RAPGEF1: variants seen among roughly 807,000 people sequenced by gnomAD.
RAPGEF1 encodes the protein CRK SH3-binding GNRP.
RAPGEF1 carries 33 observed loss-of-function variants against 143.3 expected under a neutral mutation model. The ratio of observed to expected loss-of-function variants is 0.23; its 90% CI spans 0.17 to 0.31. The LOEUF (loss-of-function observed/expected upper bound fraction) is 0.31, where lower values mean the gene tolerates loss of function less well. Among genes scored for constraint, RAPGEF1 ranks in the 10% least tolerant of loss-of-function variants. RAPGEF1 has a pLI of 1.00. For synonymous variants in RAPGEF1, 629 were observed against 676.5 expected, an observed-to-expected ratio of 0.93 and a Z score of 1.09; for missense variants, 1,199 against 1,645.4, an observed-to-expected ratio of 0.73 and a Z score of 4.69.
At chr9:131,698,503 C>A (rs538479044) in intron 1 of RAPGEF1, among the ~76,000 whole-genome samples, 1 of 152,346 alleles carries the variant, frequency 6.6e-6, no homozygotes, top group African/African-American at 2.4e-5. Flanking sequence ...ACAGCTGTGA[C>A]AAATTGTTTG....
At chr9:131,632,906 T>G (rs6597514) in intron 5 of RAPGEF1, among the ~76,000 whole-genome samples, 1 of 152,130 alleles carries the variant, frequency 6.6e-6, no homozygotes, top group Non-Finnish European at 1.5e-5. Context: ...AACCCCGCCC[T>G]CCAAAATTAA....
chr9:131,672,569 G>A (rs1831580991), intron 1 of RAPGEF1, among the ~76,000 whole-genome samples: 1 of 152,184 alleles, frequency 6.6e-6, no homozygotes, highest in Non-Finnish European at 1.5e-5. Context: ...GAAGACAAAG[G>A]TCTGAGGGAA....
chr9:131,697,905 CAGAA>C (rs1281284881), intron 1 of RAPGEF1, among the ~76,000 whole-genome samples: 1 of 152,056 alleles, frequency 6.6e-6, no homozygotes, highest in Non-Finnish European at 1.5e-5. Flanking sequence ...GTGTCAGGGC[CAGAA>C]AGAGAGGGGC....
At chr9:131,620,021 G>C (rs1960329376) in intron 11 of RAPGEF1, among the ~76,000 whole-genome samples, 1 of 152,164 alleles carries the variant, frequency 6.6e-6, no homozygotes, top group African/African-American at 2.4e-5. Flanking sequence ...AGCTGTGGCA[G>C]GGACCATGTA....
chr9:131,578,841 G>C lies in RAPGEF1; in HGVS notation c.*656C>G, dbSNP rs1195881928. On this transcript the variant is annotated 3_prime_UTR_variant, in exon 27 of 27. Transcript: ENST00000683357. The stretch of plus-strand genomic sequence containing the variant: ...TGCTGCTCTCAGGCGGGCAAGGGAG[G>C]CCCTGATGGCGCCAGTACCGCGGGG... 1 of 152,616 alleles carries C rather than the reference G, an allele frequency of 6.6e-6. No individual in the cohort carries two copies. Among genetic ancestry groups the C allele is most frequent in the Admixed American group, 6.5e-5 (1 of 15,294 alleles). The allele number at this position is 152,616 out of a possible 1,614,324, so 9.5% of individuals were successfully genotyped here. A position where few individuals can be genotyped will look rare whatever the true frequency, so the allele number is the denominator to read the frequency against.
At chr9:131,674,751 C>A (rs959650788) in intron 1 of RAPGEF1, among the ~76,000 whole-genome samples, 1 of 152,186 alleles carries the variant, frequency 6.6e-6, no homozygotes, top group Non-Finnish European at 1.5e-5. Flanking sequence ...GAAGGAAAGT[C>A]CAATCTGAGC....
At chr9:131,604,688 G>T (rs1455882295) in intron 13 of RAPGEF1, among the ~76,000 whole-genome samples, 1 of 152,168 alleles carries the variant, frequency 6.6e-6, no homozygotes, top group Non-Finnish European at 1.5e-5. Flanking sequence ...TAGTTTGATA[G>T]AACTTTGTAT....
chr9:131,626,967 G>A (rs2043438371), intron 9 of RAPGEF1, among the ~76,000 whole-genome samples: 1 of 138,786 alleles, frequency 7.2e-6, no homozygotes. Flanking sequence ...TGGGCACGCT[G>A]GCCCACTTTG....
intron 1 of RAPGEF1, among the ~76,000 whole-genome samples, chr9:131,658,817 C>T (rs895881977): frequency 1.3e-5 from 2 of 152,360 alleles, no homozygotes; most frequent in East Asian, 1.9e-4. Context: ...ACTTGCCCCT[C>T]GGCCAGGCTT....
intron 1 of RAPGEF1, among the ~76,000 whole-genome samples, chr9:131,698,260 G>A (rs903362942): frequency 9.2e-5 from 14 of 152,188 alleles, no homozygotes; most frequent in African/African-American, 2.9e-4. Context: ...GGGAGGAGGG[G>A]CCCTCTAGTC....
In RAPGEF1 at chr9:131,628,724, T is replaced by C. The variant is rs568809908; in HGVS notation, c.894-52A>G. 16 of 1,536,086 alleles carry C rather than the reference T, an allele frequency of 1.0e-5. No homozygotes were observed. In the East Asian group the frequency reaches 3.6e-4, roughly 35 times the overall value. On this transcript the variant is annotated intron_variant, in intron 7 of 26. Coordinates refer to ENST00000683357, the MANE Select transcript of RAPGEF1 (RefSeq NM_001377935.1). The surrounding 1 kb of genome is among the most constrained non-coding windows in gnomAD (Gnocchi z 5.7). ...GACCAAACCACACTCACCAAAGCTC[T>C]TCAGCGTGATATTGGGGTACAGGAT...
chr9:131,706,168 G>C (rs753595024), intron 1 of RAPGEF1, among the ~76,000 whole-genome samples: 9 of 151,938 alleles, frequency 5.9e-5, no homozygotes, highest in Non-Finnish European at 1.0e-4. Flanking sequence ...ATGCTACTTT[G>C]CCCTGGAACC....
intron 1 of RAPGEF1, among the ~76,000 whole-genome samples, chr9:131,687,119 C>A (rs1833412061): frequency 6.6e-6 from 1 of 152,176 alleles, no homozygotes; most frequent in Non-Finnish European, 1.5e-5. Flanking sequence ...GCCTGGACAA[C>A]AGATTCAATT....
rs1467996428 is a variant in RAPGEF1 at position 131,578,109 on chromosome 9, A to G, written c.*1388T>C. On this transcript the variant is annotated 3_prime_UTR_variant, in exon 27 of 27. Transcript: ENST00000683357. ...GACAAGTGAGCACTCATTCATGCAC[A>G]GCAGACCCGGAGGCATGGGCTGGGG... is the stretch of plus-strand genomic sequence containing the variant. 1 of 152,304 alleles carries G rather than the reference A, an allele frequency of 6.6e-6. No individual in the cohort carries two copies. Among genetic ancestry groups the G allele is most frequent in the Non-Finnish European group, 1.5e-5 (1 of 68,080 alleles). 9.4% of individuals were successfully genotyped at this position (152,304 alleles called of 1,614,324 possible).
At chr9:131,588,455 C>T (rs1210697202) in intron 20 of RAPGEF1, among the ~76,000 whole-genome samples, 3 of 152,298 alleles carry the variant, frequency 2.0e-5, no homozygotes, top group East Asian at 1.9e-4. Context: ...TGACACTCAC[C>T]GTCGGTGTCG....
At chr9:131,593,732 C>T (rs1954762884) in intron 17 of RAPGEF1, among the ~76,000 whole-genome samples, 1 of 152,210 alleles carries the variant, frequency 6.6e-6, no homozygotes, top group African/African-American at 2.4e-5. Flanking sequence ...GGCTGGGAAT[C>T]ACAGCAGGGC....
In RAPGEF1 at chr9:131,582,607, G is replaced by A; in HGVS notation, c.3510C>T (p.Tyr1170=). The A allele has an allele frequency of 1.3e-6, 2 of 1,524,812 alleles. No homozygotes were observed. Among genetic ancestry groups the A allele is most frequent in the Non-Finnish European group, 1.7e-6 (2 of 1,146,398 alleles). The allele number at this position is 1,524,812 out of a possible 1,614,324, so 94.5% of individuals were successfully genotyped here. A position where few individuals can be genotyped will look rare whatever the true frequency, so the allele number is the denominator to read the frequency against. The change falls in exon 25 of 27, where the codon TAC becomes TAT. Residue 1170 remains tyrosine, a splice_region_variant and synonymous_variant. Transcript: ENST00000683357. Reference sequence around the variant, plus strand: ...GGCCTGGAGGGGCTGCTACTCACAGGTACGGGATGCACGGCGGTTCCACCT... The same window carrying A: ...GGCCTGGAGGGGCTGCTACTCACAGATACGGGATGCACGGCGGTTCCACCT... The part of the protein sequence containing the change: ...LSEVEPPCIP[Y]LGLILQDLTF...
At chr9:131,637,323 GAC>G (rs1241837939) in intron 5 of RAPGEF1, among the ~76,000 whole-genome samples, 1 of 152,078 alleles carries the variant, frequency 6.6e-6, no homozygotes. Flanking sequence ...GGCCCCAGCA[GAC>G]ACGTCAGCCT....
intron 1 of RAPGEF1, among the ~76,000 whole-genome samples, chr9:131,686,052 G>A (rs573981316): frequency 1.3e-5 from 2 of 152,296 alleles, no homozygotes; most frequent in South Asian, 2.1e-4. Context: ...CGATTCTGGT[G>A]TTTAAAGGTA....
Sources: gnomAD v4.1 joint callset for allele counts (sites outside exome capture counted in the v4.1 genomes callset) on GRCh38, gnomAD v4.1.1 for gene constraint, Gnocchi (gnomAD v3.1) non-coding constraint, MANE v1.5 for transcripts, NCBI Gene and HGNC (gene_info 2026-07-23, HGNC 2026-07-21) for gene names.